LRRC69: variants seen among roughly 807,000 people sequenced by gnomAD.
LRRC69 encodes the protein leucine-rich repeat-containing protein 69.
In LRRC69, 42 loss-of-function variants were observed where a neutral mutation model predicts 37.8. The ratio of observed to expected loss-of-function variants is 1.11; its 90% CI spans 0.87 to 1.44. LRRC69 has a LOEUF of 1.44. LRRC69 is among the 40% of genes most tolerant of loss of function. The pLI, the probability that LRRC69 is intolerant of heterozygous loss-of-function variation, is 0.00. For synonymous variants in LRRC69, 141 were observed against 143.1 expected, an observed-to-expected ratio of 0.99 and a Z score of 0.11; for missense variants, 357 against 401.9, an observed-to-expected ratio of 0.89 and a Z score of 0.96.
At chr8:91,167,011 A>T (rs1809042087) in intron 5 of LRRC69, among the ~76,000 whole-genome samples, 1 of 151,454 alleles carries the variant, frequency 6.6e-6, no homozygotes, top group Admixed American at 6.6e-5. Flanking sequence ...TTTTTGCCCC[A>T]CTCCCTGTTG....
chr8:91,144,783 C>CA (rs1256487408), intron 5 of LRRC69, among the ~76,000 whole-genome samples: 1 of 151,972 alleles, frequency 6.6e-6, no homozygotes, highest in Non-Finnish European at 1.5e-5. Context: ...GGTTTACTGT[C>CA]ACTCTCTGTC....
At chr8:91,117,184 A>G (rs1187193608) in intron 1 of LRRC69, among the ~76,000 whole-genome samples, 1 of 152,050 alleles carries the variant, frequency 6.6e-6, no homozygotes, top group African/African-American at 2.4e-5. Context: ...TTATAGGTTC[A>G]TCTTTTGGGC....
intron 5 of LRRC69, chr8:91,157,344 C>G (rs1006347488): frequency 1.2e-6 from 2 of 1,608,558 alleles, no homozygotes; most frequent in Non-Finnish European, 1.7e-6. Context: ...AATGGACTGT[C>G]CCCAAAGAAG....
chr8:91,103,584 G>A (rs1014620454), intron 1 of LRRC69, among the ~76,000 whole-genome samples: 7 of 151,930 alleles, frequency 4.6e-5, no homozygotes, highest in African/African-American at 1.7e-4. Flanking sequence ...AGCACAGGAA[G>A]AACCTAGAAG....
Position 91,102,841 on chromosome 8 carries a change from CCAGGTGAGGAA to C in LRRC69, c.183+1_183+11del. The C allele has an allele frequency of 6.5e-7, 1 of 1,541,454 alleles. No individual in the cohort carries two copies. Among genetic ancestry groups the C allele is most frequent in the Non-Finnish European group, 8.7e-7 (1 of 1,142,952 alleles). On this transcript the variant is annotated splice_donor_variant and splice_donor_5th_base_variant and coding_sequence_variant and intron_variant, in exon 1 of 8. Transcript: ENST00000448384. LOFTEE classifies it high-confidence loss of function. ...TGTGTCCAGAGTTATGCAACTTGAC[CCAGGTGAGGAA>C]CAGTGTTTTGCTGTTGTGGTTTGGT... is the stretch of plus-strand genomic sequence containing the variant.
rs1204969481 is a variant in LRRC69 at position 91,113,444 on chromosome 8, G to A, written c.183+10600G>A. 2.6e-5 allele frequency among the ~76,000 whole-genome samples: 4 copies of A among 152,128 alleles called. No individual in the cohort carries two copies. The East Asian group carries it at 5.8e-4, about 22-fold the overall frequency. On this transcript the variant is annotated intron_variant, in intron 1 of 7. Transcript: ENST00000448384. ...ATGATCAACTAATGTTTGAAAGGGTGCGAAGAGCACACATTGGGGAAAGGA... is the reference window on the plus strand; with the variant it reads ...ATGATCAACTAATGTTTGAAAGGGTACGAAGAGCACACATTGGGGAAAGGA...
At chr8:91,174,720 C>T (rs548882980) in intron 5 of LRRC69, among the ~76,000 whole-genome samples, 1 of 152,296 alleles carries the variant, frequency 6.6e-6, no homozygotes, top group African/African-American at 2.4e-5. Context: ...GGAGCTTTCA[C>T]ATCTGTGGTA....
intron 5 of LRRC69, among the ~76,000 whole-genome samples, chr8:91,143,162 G>C (rs1169337597): frequency 6.6e-6 from 1 of 152,038 alleles, no homozygotes; most frequent in Non-Finnish European, 1.5e-5. Context: ...AAATTGGAGA[G>C]ATTTTTTAGC....
intron 5 of LRRC69, among the ~76,000 whole-genome samples, chr8:91,145,631 A>T (rs1808607052): frequency 6.6e-6 from 1 of 151,888 alleles, no homozygotes; most frequent in Non-Finnish European, 1.5e-5. Context: ...CTTTTAAAAA[A>T]TGGGAAACAA....
chr8:91,152,296 A>G (rs1032947305), intron 5 of LRRC69, among the ~76,000 whole-genome samples: 8 of 151,374 alleles, frequency 5.3e-5, no homozygotes, highest in Non-Finnish European at 8.9e-5. Context: ...ATCTTGAGTT[A>G]ATTTTTGCAT....
intron 5 of LRRC69, among the ~76,000 whole-genome samples, chr8:91,137,102 A>G (rs538848905): frequency 8.8e-4 from 134 of 152,178 alleles, no homozygotes; most frequent in African/African-American, 3.1e-3. Flanking sequence ...TGGTAATTCT[A>G]TGTTTAATTT....
intron 1 of LRRC69, among the ~76,000 whole-genome samples, chr8:91,110,968 C>T (rs1813399604): frequency 6.6e-6 from 1 of 152,016 alleles, no homozygotes; most frequent in African/African-American, 2.4e-5. Context: ...GATGTGGAGC[C>T]ATAATGACTA....
intron 5 of LRRC69, chr8:91,139,062 A>AG (rs1808477889): frequency 6.6e-6 from 1 of 151,476 alleles, no homozygotes; most frequent in South Asian, 2.1e-4. Flanking sequence ...AAAAAAAAAA[A>AG]GAAATATCTT....
Position 91,200,904 on chromosome 8 carries a change from A to G in LRRC69, c.933+112A>G, listed in dbSNP as rs963740483. 6.2e-6 allele frequency: 6 copies of G among 971,982 alleles called. No individual in the cohort carries two copies. The Admixed American group carries it at 2.4e-4, about 39-fold the overall frequency. 60.2% of individuals were successfully genotyped at this position (971,982 alleles called of 1,614,324 possible). A position where few individuals can be genotyped will look rare whatever the true frequency, so the allele number is the denominator to read the frequency against. On this transcript the variant is annotated intron_variant, in intron 7 of 7. Transcript: ENST00000448384. ...TGTACCTATGATTGGCTTATAGGAT[A>G]GTATACTGTAAATTTTGGATAGACA...
intron 1 of LRRC69, among the ~76,000 whole-genome samples, chr8:91,117,338 G>A (rs1813528332): frequency 6.6e-6 from 1 of 151,914 alleles, no homozygotes. Flanking sequence ...ACTGAAAAAG[G>A]TACATCTAAA....
chr8:91,214,471 A>G (rs1043597146), intron 7 of LRRC69, among the ~76,000 whole-genome samples: 4 of 152,214 alleles, frequency 2.6e-5, no homozygotes, highest in Non-Finnish European at 5.9e-5. Context: ...CTATTAAGCT[A>G]TAATAGAAAC....
intron 3 of LRRC69, among the ~76,000 whole-genome samples, chr8:91,128,641 A>G (rs904245824): frequency 3.3e-5 from 5 of 152,070 alleles, no homozygotes; most frequent in Non-Finnish European, 5.9e-5. Flanking sequence ...GATTGTTTTG[A>G]CAGTTAAGCA....
chr8:91,209,880 G>A (rs973790203), intron 7 of LRRC69, among the ~76,000 whole-genome samples: 1 of 152,112 alleles, frequency 6.6e-6, no homozygotes, highest in African/African-American at 2.4e-5. Context: ...CTTACAAAAT[G>A]CTTTTTACAT....
intron 5 of LRRC69, among the ~76,000 whole-genome samples, chr8:91,168,276 G>C (rs890400797): frequency 6.6e-6 from 1 of 151,828 alleles, no homozygotes; most frequent in Admixed American, 6.6e-5. Flanking sequence ...TTTTGGAAAA[G>C]ACTGAGGGGC....
Sources: gnomAD v4.1 joint callset for allele counts (sites outside exome capture counted in the v4.1 genomes callset) on GRCh38, gnomAD v4.1.1 for gene constraint, MANE v1.5 for transcripts, NCBI Gene and HGNC (gene_info 2026-07-23, HGNC 2026-07-21) for gene names.